Variants in ZNF280B observed in about 807,000 individuals in gnomAD.
ZNF280B encodes zinc finger protein 280B.
ZNF280B carries 16 observed loss-of-function variants against 38.0 expected under a neutral mutation model. The observed-to-expected ratio is 0.42, with a 90% CI of 0.28 to 0.64. ZNF280B has a LOEUF of 0.64. Among genes scored for constraint, ZNF280B ranks in the 30% least tolerant of loss-of-function variants. The probability of loss-of-function intolerance (pLI) is 0.21; values close to 1 mark genes in which losing one functional copy is unlikely to be tolerated. For synonymous variants in ZNF280B, 253 were observed against 230.6 expected (o/e 1.10, Z -0.88); for missense variants, 581 against 639.6 (o/e 0.91, Z 0.99).
chr22:22,492,197 T>C (rs1177042549), intron 3 of ZNF280B, among the ~76,000 whole-genome samples: 1 of 151,946 alleles, frequency 6.6e-6, no homozygotes, highest in Admixed American at 6.6e-5. Flanking sequence ...AATCAGTAGA[T>C]ATATAATGCC....
At chr22:22,490,740 T>A (rs1057125201) in intron 3 of ZNF280B, among the ~76,000 whole-genome samples, 1 of 151,884 alleles carries the variant, frequency 6.6e-6, no homozygotes, top group Non-Finnish European at 1.5e-5. Flanking sequence ...AGTGCTAGGA[T>A]TACAGGGGTG....
chr22:22,504,483 CA>C (rs893565823), intron 2 of ZNF280B, among the ~76,000 whole-genome samples: 2 of 151,032 alleles, frequency 1.3e-5, no homozygotes, highest in African/African-American at 4.9e-5. Flanking sequence ...TGTTAAAAGC[CA>C]AAAGGTGAAA....
intron 2 of ZNF280B, among the ~76,000 whole-genome samples, chr22:22,495,048 C>T (rs1569179195): frequency 6.6e-6 from 1 of 151,858 alleles, no homozygotes; most frequent in Non-Finnish European, 1.5e-5. Flanking sequence ...TTGTTATAAC[C>T]ACACACGAGT....
Position 22,487,845 on chromosome 22 carries a change from T to A in ZNF280B, c.1554A>T (p.Ala518=), listed in dbSNP as rs199681933. The A allele has an allele frequency of 6.2e-7, 1 of 1,613,832 alleles. No homozygotes were observed. The highest frequency in any genetic ancestry group is 1.1e-5 in the South Asian group (1 of 91,056). The change falls in exon 4 of 4, where the codon GCA becomes GCT. Residue 518 remains alanine (A), a synonymous_variant. Coordinates refer to ENST00000626650, the MANE Select transcript of ZNF280B (RefSeq NM_080764.4). The part of the protein sequence containing the change: ...EPLQPGSVDV[A]SITVSTSDSE... Reference sequence around the variant, plus strand: ...AGTCAGATGTGCTCACAGTTATGGATGCTACATCCACTGATCCTGGCTGAA... The same window carrying A: ...AGTCAGATGTGCTCACAGTTATGGAAGCTACATCCACTGATCCTGGCTGAA...
Position 22,487,662 on chromosome 22 carries a change from T to G in ZNF280B, c.*105A>C. ...AAAAGTCATATATAATCCACTAGTT[T>G]CACTATTTTTGGTGCTACTGAATAA... On this transcript the variant is annotated 3_prime_UTR_variant, in exon 4 of 4. Transcript: ENST00000626650. 1.1e-6 allele frequency: 1 copy of G among 880,568 alleles called. No homozygotes were observed. The highest frequency in any genetic ancestry group is 2.5e-5 in the East Asian group (1 of 40,076). 54.5% of individuals were successfully genotyped at this position (880,568 alleles called of 1,614,324 possible). A position where few individuals can be genotyped will look rare whatever the true frequency, so the allele number is the denominator to read the frequency against.
At chr22:22,497,208 TAAAAAAAAAAAAAAAAAAAAAAAAAAAA>T (rs71199486) in intron 2 of ZNF280B, among the ~76,000 whole-genome samples, 1 of 33,624 alleles carries the variant, frequency 3.0e-5, no homozygotes, top group African/African-American at 9.5e-5. Flanking sequence ...TCTCCATCTT[TAAAAAAAAAAAAAAAAAAAAAAAAAAAA>T]AAAAAAAAAA....
Position 22,489,142 on chromosome 22 carries a change from A to C in ZNF280B, c.257T>G (p.Leu86Trp). The C allele has an allele frequency of 6.2e-7, 1 of 1,613,846 alleles. No individual in the cohort carries two copies. The highest frequency in any genetic ancestry group is 8.5e-7 in the Non-Finnish European group (1 of 1,179,956). The part of the protein sequence containing the change: ...DHLRKDTARK[L>W]QPKSHETVTS... ...AACGGTCTCATGACTTTTAGGCTGC[A>C]ATTTGCGAGCAGTATCTTTTCTAAG... The change falls in exon 4 of 4, where the codon TTG becomes TGG. Residue 86 changes from leucine to tryptophan, a missense_variant. Physicochemically the swap from Leu to Trp is moderately conservative, Grantham distance 61. Transcript: ENST00000626650.
chr22:22,488,029 T>C lies in ZNF280B; in HGVS notation c.1370A>G (p.Lys457Arg), dbSNP rs768499900. 1.2e-4 allele frequency: 200 copies of C among 1,613,810 alleles called. No homozygotes were observed. The Admixed American group carries it at 3.3e-3, about 26-fold the overall frequency. ...YMCHYRGHWGKSAHQCSKCRL... is the reference protein window; with the variant it reads ...YMCHYRGHWGRSAHQCSKCRL... ...GCACTTGGAACACTGGTGTGCACTCTTTCCCCAGTGGCCCCTATAATGACA... is the reference window on the plus strand; with the variant it reads ...GCACTTGGAACACTGGTGTGCACTCCTTCCCCAGTGGCCCCTATAATGACA... The change falls in exon 4 of 4, where the codon AAG becomes AGG. Residue 457 changes from lysine (K) to arginine (R), a missense_variant. Lys to Arg is a conservative substitution (Grantham distance 26). Transcript: ENST00000626650.
chr22:22,488,452 A>C lies in ZNF280B; in HGVS notation c.947T>G (p.Leu316Arg), dbSNP rs1334103945. 1.2e-6 allele frequency: 2 copies of C among 1,613,918 alleles called. No homozygotes were observed. The highest frequency in any genetic ancestry group is 2.7e-5 in the African/African-American group (2 of 74,978). The stretch of plus-strand genomic sequence containing the variant: ...GTGATTCATAAACTTAACATTTTTT[A>C]GAACTTTCACGCAGCTGAGGCATTT... Reference protein sequence around the residue: ...TFKCLSCVKVLKNVKFMNHVK... With the variant: ...TFKCLSCVKVRKNVKFMNHVK... Residue 316 changes from leucine (L) to arginine (R), a missense_variant, in exon 4 of 4, where the codon CTA (leucine) becomes CGA (arginine). Transcript: ENST00000626650.
In ZNF280B at chr22:22,488,286, G is replaced by A. The variant is rs915226855; in HGVS notation, c.1113C>T (p.Pro371=). 15 of 1,613,766 alleles carry A rather than the reference G, an allele frequency of 9.3e-6. No homozygotes were observed. In the South Asian group the frequency reaches 1.5e-4, roughly 17 times the overall value. Residue 371 remains proline (P), a synonymous_variant, in exon 4 of 4, where the codon CCC becomes CCT. Transcript: ENST00000626650. ...ATTCACAGATTTTACAGACAGTAGA[G>A]GGCTCCTGGGCAGTGTGGACATTTT... ...HIENVHTAQE[P]STVCKICELS...
chr22:22,489,689 AC>A (rs2061555258), intron 3 of ZNF280B, among the ~76,000 whole-genome samples: 1 of 150,442 alleles, frequency 6.6e-6, no homozygotes. Flanking sequence ...AAAAAAAAAA[AC>A]CTACCAGCAG....
chr22:22,491,709 C>G (rs1213405317), intron 3 of ZNF280B, among the ~76,000 whole-genome samples: 1 of 151,772 alleles, frequency 6.6e-6, no homozygotes, highest in Admixed American at 6.6e-5. Context: ...TCACCAGCCT[C>G]GGCCTCCCAA....
intron 2 of ZNF280B, among the ~76,000 whole-genome samples, chr22:22,494,680 T>C (rs1266504269): frequency 6.6e-6 from 1 of 151,942 alleles, no homozygotes; most frequent in Non-Finnish European, 1.5e-5. Context: ...CAGTGGATGA[T>C]AACCCACCTT....
At chr22:22,495,134 A>G (rs1320156679) in intron 2 of ZNF280B, among the ~76,000 whole-genome samples, 1 of 151,974 alleles carries the variant, frequency 6.6e-6, no homozygotes, top group Non-Finnish European at 1.5e-5. Context: ...CTGGCCATAT[A>G]TATTTTTCTT....
Position 22,488,569 on chromosome 22 carries a change from T to C in ZNF280B, c.830A>G (p.Lys277Arg), listed in dbSNP as rs138193849. ...AAGTAACACAATGGGATTTTCTTTCTTGGGATCAAAGGTCTTGTTTTGACT... is the reference window on the plus strand; with the variant it reads ...AAGTAACACAATGGGATTTTCTTTCCTGGGATCAAAGGTCTTGTTTTGACT... ...LTSQNKTFDP[K>R]KENPIVLLSD... The change falls in exon 4 of 4, where the codon AAG (lysine) becomes AGG (arginine). Residue 277 changes from lysine to arginine, a missense_variant. Lys to Arg is a conservative substitution (Grantham distance 26, BLOSUM62 2). Transcript: ENST00000626650. 2 of 1,613,840 alleles carry C rather than the reference T, an allele frequency of 1.2e-6. No individual in the cohort carries two copies. Among genetic ancestry groups the C allele is most frequent in the African/African-American group, 2.7e-5 (2 of 74,872 alleles).
At position 22,486,091 on chromosome 22, in the gene ZNF280B, T is replaced by G. The variant is rs979069490; in HGVS notation, c.*1676A>C. ...CTTATTGAATTAGAGAGACATTTCT[T>G]GCACACTGGTGTGTGTCAGGTAAGA... On this transcript the variant is annotated 3_prime_UTR_variant, in exon 4 of 4. Transcript: ENST00000626650. 1.3e-5 allele frequency: 2 copies of G among 152,022 alleles called. No homozygotes were observed. The highest frequency in any genetic ancestry group is 4.8e-5 in the African/African-American group (2 of 41,410). The allele number at this position is 152,022 out of a possible 1,614,324, so 9.4% of individuals were successfully genotyped here.
rs2061492390 is a variant in ZNF280B, at chr22:22,485,599, CTT to C, written c.*2166_*2167del. 1 of 151,904 alleles carries C rather than the reference CTT, an allele frequency of 6.6e-6. No homozygotes were observed. The highest frequency in any genetic ancestry group is 1.5e-5 in the Non-Finnish European group (1 of 68,002). 9.4% of individuals were successfully genotyped at this position (151,904 alleles called of 1,614,324 possible). On this transcript the variant is annotated 3_prime_UTR_variant, in exon 4 of 4. Coordinates refer to ENST00000626650, the MANE Select transcript of ZNF280B (RefSeq NM_080764.4). ...AATGTAGATAATATACTCACAACTT[CTT>C]TGTTATCTGTACTGCCTTCTACTCT...
chr22:22,494,494 A>G (rs2061656574), intron 2 of ZNF280B, among the ~76,000 whole-genome samples: 1 of 151,892 alleles, frequency 6.6e-6, no homozygotes, highest in Non-Finnish European at 1.5e-5. Flanking sequence ...ATGTCCACCA[A>G]TGGATGAATG....
chr22:22,489,454 T>TA lies in ZNF280B; in HGVS notation c.-57dup. ...GCCACAAGTCCCAATGCTTCCTTTATATAAACTGCCACCTAAGTACAAACA... is the reference window on the plus strand; with the variant it reads ...GCCACAAGTCCCAATGCTTCCTTTATAATAAACTGCCACCTAAGTACAAACA... On this transcript the variant is annotated 5_prime_UTR_variant, in exon 4 of 4. The change creates a premature stop within an existing upstream ORF in the 5' untranslated region. Transcript: ENST00000626650. 2 of 1,462,092 alleles carry TA rather than the reference T, an allele frequency of 1.4e-6. No homozygotes were observed. The highest frequency in any genetic ancestry group is 9.2e-7 in the Non-Finnish European group (1 of 1,086,216). 90.6% of individuals were successfully genotyped at this position (1,462,092 alleles called of 1,614,324 possible).
Sources: gnomAD v4.1 joint callset for allele counts (sites outside exome capture counted in the v4.1 genomes callset) on GRCh38, gnomAD v4.1.1 for gene constraint, MANE v1.5 for transcripts, NCBI Gene and HGNC (gene_info 2026-07-23, HGNC 2026-07-21) for gene names.